ADGRB3: variants seen among roughly 807,000 people sequenced by gnomAD.
The protein encoded by ADGRB3 is adhesion G protein-coupled receptor B3, also known as brain-specific angiogenesis inhibitor 3.
A neutral mutation model predicts 193.4 loss-of-function variants in ADGRB3; 37 were observed. That is an observed-to-expected ratio of 0.19 (90% CI 0.15 to 0.25). ADGRB3 has a LOEUF of 0.25. Among genes scored for constraint, ADGRB3 ranks in the 10% least tolerant of loss-of-function variants. The probability of loss-of-function intolerance (pLI) is 1.00; values close to 1 mark genes in which losing one functional copy is unlikely to be tolerated. For synonymous variants in ADGRB3, 690 were observed against 644.2 expected, an observed-to-expected ratio of 1.07 and a Z score of -1.08; for missense variants, 1,637 against 1,852.9, an observed-to-expected ratio of 0.88 and a Z score of 2.14.
chr6:68,768,582 A>C (rs1766556970), intron 3 of ADGRB3, among the ~76,000 whole-genome samples: 1 of 152,202 alleles, frequency 6.6e-6, no homozygotes, highest in African/African-American at 2.4e-5. Flanking sequence ...TAAAATCATA[A>C]AAACCCTAGA....
intron 6 of ADGRB3, among the ~76,000 whole-genome samples, chr6:68,944,533 G>C (rs1324341150): frequency 6.6e-6 from 1 of 152,036 alleles, no homozygotes; most frequent in Non-Finnish European, 1.5e-5. Context: ...TCTGTTCTTA[G>C]AGTGTATTTA....
At chr6:69,084,103 G>A (rs1258328891) in intron 17 of ADGRB3, among the ~76,000 whole-genome samples, 2 of 152,126 alleles carry the variant, frequency 1.3e-5, no homozygotes, top group East Asian at 3.9e-4. Context: ...TGGTCATTGA[G>A]TTCTCTGTCC....
intron 21 of ADGRB3, among the ~76,000 whole-genome samples, chr6:69,325,960 T>A (rs984207133): frequency 1.2e-4 from 18 of 152,134 alleles, no homozygotes; most frequent in African/African-American, 4.1e-4. Flanking sequence ...TCCTAGCACT[T>A]TGGGAAACCA....
At chr6:68,752,016 A>G (rs1235974123) in intron 3 of ADGRB3, among the ~76,000 whole-genome samples, 1 of 152,152 alleles carries the variant, frequency 6.6e-6, no homozygotes, top group Admixed American at 6.5e-5. Context: ...ACATCAACTT[A>G]TGTATGATAC....
intron 13 of ADGRB3, among the ~76,000 whole-genome samples, chr6:69,042,042 C>A (rs949205572): frequency 6.6e-6 from 1 of 152,066 alleles, no homozygotes; most frequent in Non-Finnish European, 1.5e-5. Flanking sequence ...CCATCTTGTT[C>A]TCGTGATAAT....
At chr6:68,851,103 A>G (rs1171595127) in intron 3 of ADGRB3, among the ~76,000 whole-genome samples, 2 of 151,984 alleles carry the variant, frequency 1.3e-5, no homozygotes, top group Non-Finnish European at 2.9e-5. Flanking sequence ...GGAGTTCTAT[A>G]AAGTTCTATC....
chr6:69,298,382 T>G (rs115026911), intron 20 of ADGRB3, among the ~76,000 whole-genome samples: 2,845 of 152,124 alleles, frequency 0.019, 90 homozygotes, highest in African/African-American at 0.065. Context: ...TTGTATATAT[T>G]TTCTGGGGTA....
chr6:69,279,104 T>TATATATATAC (rs2127284230), intron 20 of ADGRB3, among the ~76,000 whole-genome samples: 2 of 138,032 alleles, frequency 1.4e-5, no homozygotes, highest in East Asian at 4.3e-4. Flanking sequence ...TATATATATA[T>TATATATATAC]ATATATATAT....
At chr6:68,980,759 A>T (rs1422379201) in intron 10 of ADGRB3, among the ~76,000 whole-genome samples, 1 of 151,488 alleles carries the variant, frequency 6.6e-6, no homozygotes, top group Non-Finnish European at 1.5e-5. Context: ...GGTGGGAGTG[A>T]GTGAGCCTGT....
chr6:68,974,795 A>T lies in ADGRB3; in HGVS notation c.1558A>T (p.Met520Leu), dbSNP rs1185907038. The T allele has an allele frequency of 6.2e-7, 1 of 1,614,004 alleles. No homozygotes were observed. Among genetic ancestry groups the T allele is most frequent in the Admixed American group, 1.7e-5 (1 of 59,998 alleles). ...TGAAATATGCCCTGAGGATTATCTGATGTCGATGGTGTGGAAAAGAACTCC... is the reference window on the plus strand; with the variant it reads ...TGAAATATGCCCTGAGGATTATCTGTTGTCGATGGTGTGGAAAAGAACTCC... ...PYEICPEDYL[M>L]SMVWKRTPAG... The change falls in exon 9 of 32, where the codon ATG becomes TTG. Residue 520 changes from methionine (M) to leucine (L), a missense_variant. Around this residue, in one of 7 missense-constraint regions of ADGRB3, gnomAD observed 641 missense variants for 673.9 expected, o/e 0.95. Coordinates refer to ENST00000370598, the MANE Select transcript of ADGRB3 (RefSeq NM_001704.3).
chr6:69,375,846 G>A (rs915842620), intron 30 of ADGRB3, among the ~76,000 whole-genome samples: 2 of 151,970 alleles, frequency 1.3e-5, no homozygotes, highest in African/African-American at 2.4e-5. Flanking sequence ...GGGAGGCTGG[G>A]GCGGGAGAAT....
At chr6:68,883,487 C>G (rs7768205) in intron 3 of ADGRB3, among the ~76,000 whole-genome samples, 4,239 of 152,272 alleles carry the variant, frequency 0.028, 202 homozygotes, top group African/African-American at 0.095. Context: ...GCTTCTCGCT[C>G]ATTGGGTCTG....
At position 68,924,671 on chromosome 6, in the gene ADGRB3, C is replaced by CA. The variant is rs1361303150; in HGVS notation, c.758-5887dup. On this transcript the variant is annotated intron_variant, in intron 3 of 31. Coordinates refer to ENST00000370598, the MANE Select transcript of ADGRB3 (RefSeq NM_001704.3). Reference sequence around the variant, plus strand: ...GCCCTAAAATTACTCATTTGCTTAACAGAGTTACGCCCAGCTACCCAACGA... The same window carrying CA: ...GCCCTAAAATTACTCATTTGCTTAACAAGAGTTACGCCCAGCTACCCAACGA... Among the ~76,000 whole-genome samples, 3 of 151,928 alleles carry CA rather than the reference C, an allele frequency of 2.0e-5. No homozygotes were observed. The East Asian group carries it at 5.8e-4, about 29-fold the overall frequency.
Position 69,239,224 on chromosome 6 carries a change from A to G in ADGRB3, c.2812A>G (p.Lys938Glu). The change falls in exon 20 of 32, where the codon AAG becomes GAG. Residue 938 changes from lysine (K) to glutamate (E), a missense_variant and splice_region_variant. Physicochemically the swap from Lys to Glu is moderately conservative, Grantham distance 56. Coordinates refer to ENST00000370598, the MANE Select transcript of ADGRB3 (RefSeq NM_001704.3). Reference sequence around the variant, plus strand: ...GGTTGGACAGACTCAGACACATAATAAGGTATGACTGGTAATTATTCTGAT... The same window carrying G: ...GGTTGGACAGACTCAGACACATAATGAGGTATGACTGGTAATTATTCTGAT... ...ILVGQTQTHN[K>E]SICTTTTAFL... is the part of the protein sequence containing the mutation. 1 of 1,533,126 alleles carries G rather than the reference A, an allele frequency of 6.5e-7. No homozygotes were observed. The highest frequency in any genetic ancestry group is 9.0e-7 in the Non-Finnish European group (1 of 1,111,410). The allele number at this position is 1,533,126 out of a possible 1,614,324, so 95.0% of individuals were successfully genotyped here.
rs147261990 is a variant in ADGRB3, at chr6:69,031,633, C to A, written c.2107+13134C>A. On this transcript the variant is annotated intron_variant, in intron 13 of 31. Transcript: ENST00000370598. ...TTCTTTCCTTTTTTTCTTTTCCTTTCTTTCTTTTTTTATTTTTTTGAGACA... is the reference window on the plus strand; with the variant it reads ...TTCTTTCCTTTTTTTCTTTTCCTTTATTTCTTTTTTTATTTTTTTGAGACA... Among the ~76,000 whole-genome samples the A allele has an allele frequency of 6.5e-4, 91 of 140,538 alleles. No individual in the cohort carries two copies. The Middle Eastern group carries it at 0.011, about 16-fold the overall frequency. The allele number at this position is 140,538 out of a possible 152,430, so 92.2% of individuals were successfully genotyped here. A position where few individuals can be genotyped will look rare whatever the true frequency, so the allele number is the denominator to read the frequency against.
chr6:69,358,787 A>T (rs902716109), intron 28 of ADGRB3, among the ~76,000 whole-genome samples: 1 of 151,880 alleles, frequency 6.6e-6, no homozygotes, highest in African/African-American at 2.4e-5. Context: ...TTTCGTGTGT[A>T]GGTGGTATGA....
chr6:69,127,851 G>A (rs543595678), intron 17 of ADGRB3, among the ~76,000 whole-genome samples: 28 of 151,918 alleles, frequency 1.8e-4, no homozygotes, highest in African/African-American at 6.8e-4. Context: ...CTGGGAATTT[G>A]TATGAGGTGG....
chr6:69,324,873 G>C lies in ADGRB3; in HGVS notation c.2816G>C (p.Ser939Thr). Reference sequence around the variant, plus strand: ...CTTTTTGTTTGTTTGTTTCCACAGAGTATCTGCACAACCACCACTGCATTT... The same window carrying C: ...CTTTTTGTTTGTTTGTTTCCACAGACTATCTGCACAACCACCACTGCATTT... ...LVGQTQTHNK[S>T]ICTTTTAFLH... Residue 939 changes from serine to threonine, a missense_variant and splice_region_variant, in exon 21 of 32, where the codon AGT becomes ACT. By Grantham distance (58) the Ser-to-Thr change is moderately conservative (BLOSUM62 1). Transcript: ENST00000370598. 6.2e-7 allele frequency: 1 copy of C among 1,613,020 alleles called. No individual in the cohort carries two copies. The highest frequency in any genetic ancestry group is 8.5e-7 in the Non-Finnish European group (1 of 1,179,410).
chr6:68,987,511 C>G (rs1769113644), intron 10 of ADGRB3, among the ~76,000 whole-genome samples: 1 of 152,012 alleles, frequency 6.6e-6, no homozygotes, highest in African/African-American at 2.4e-5. Context: ...TTTAAATATT[C>G]TGGACAGATT....
Sources: allele counts gnomAD v4.1 joint callset (sites outside exome capture counted in the v4.1 genomes callset), GRCh38; gene constraint gnomAD v4.1.1; regional missense constraint gnomAD v4.1.1; transcripts MANE v1.5; gene names NCBI Gene and HGNC (gene_info 2026-07-23, HGNC 2026-07-21).